The following PGBD4 variants were observed in gnomAD, a reference collection of about 807,000 sequenced individuals.
The protein encoded by PGBD4 is piggyBac transposable element-derived protein 4.
In PGBD4, 1 loss-of-function variant was observed where a neutral mutation model predicts 0.3. That is an observed-to-expected ratio of 3.72 (90% CI 1.32 to 17.64). PGBD4 has a LOEUF of 17.64. PGBD4 is among the 30% of genes most tolerant of loss of function. The pLI is 0.11. For missense variants in PGBD4, 624 were observed against 719.7 expected, an observed-to-expected ratio of 0.87 and a Z score of 1.52; for synonymous variants, 253 against 267.7, an observed-to-expected ratio of 0.95 and a Z score of 0.54.
chr15:34,104,141 C>T lies in PGBD4; in HGVS notation c.1610C>T (p.Pro537Leu), dbSNP rs1456580436. 2 of 1,614,052 alleles carry T rather than the reference C, an allele frequency of 1.2e-6. No homozygotes were observed. The highest frequency in any genetic ancestry group is 1.7e-6 in the Non-Finnish European group (2 of 1,180,036). Residue 537 changes from proline (P) to leucine (L), a missense_variant, in exon 1 of 1, where the codon CCA (proline) becomes CTA (leucine). Coordinates refer to ENST00000397766, the MANE Select transcript of PGBD4 (RefSeq NM_152595.5). Reference protein sequence around the residue: ...SIPATSGKQNPTGRCKICCSQ... With the variant: ...SIPATSGKQNLTGRCKICCSQ... ...CCAGCAACGTCCGGGAAACAGAATC[C>T]AACTGGTCGCTGCAAAATTTGCTGC...
Position 34,103,909 on chromosome 15 carries a change from C to G in PGBD4, c.1378C>G (p.Leu460Val), listed in dbSNP as rs1346478943. 1 of 1,614,120 alleles carries G rather than the reference C, an allele frequency of 6.2e-7. No individual in the cohort carries two copies. The highest frequency in any genetic ancestry group is 1.7e-5 in the Admixed American group (1 of 60,018). ...GTATAAGAAATTCTTTCACCATCTT[C>G]TACACATTACAGTGCTGAACTCCTA... ...VWYKKFFHHLLHITVLNSYIL... is the reference protein window; with the variant it reads ...VWYKKFFHHLVHITVLNSYIL... The change falls in exon 1 of 1, where the codon CTA (leucine) becomes GTA (valine). Residue 460 changes from leucine to valine, a missense_variant. By Grantham distance (32) the Leu-to-Val change is conservative. Coordinates refer to ENST00000397766, the MANE Select transcript of PGBD4 (RefSeq NM_152595.5). The surrounding 1 kb of genome is among the most constrained non-coding windows in gnomAD (Gnocchi z 4.6).
chr15:34,102,409 T>C lies in PGBD4; in HGVS notation c.-123T>C. Reference sequence around the variant, plus strand: ...AGTTTGCCACGAAATATCTCGCTTCTGTTATTTTCGCATGGTTCTGGTATA... The same window carrying C: ...AGTTTGCCACGAAATATCTCGCTTCCGTTATTTTCGCATGGTTCTGGTATA... On this transcript the variant is annotated 5_prime_UTR_variant, in exon 1 of 1. Transcript: ENST00000397766. This position sits in a 1 kb window ranked among gnomAD's most constrained non-coding sequence, Gnocchi z 4.7. 1 of 1,380,614 alleles carries C rather than the reference T, an allele frequency of 7.2e-7. No individual in the cohort carries two copies. The highest frequency in any genetic ancestry group is 2.7e-4 in the Middle Eastern group (1 of 3,756). The allele number at this position is 1,380,614 out of a possible 1,614,324, so 85.5% of individuals were successfully genotyped here. A position where few individuals can be genotyped will look rare whatever the true frequency, so the allele number is the denominator to read the frequency against.
Position 34,102,566 on chromosome 15 carries a change from G to C in PGBD4, c.35G>C (p.Arg12Pro), listed in dbSNP as rs2140874069. The C allele has an allele frequency of 2.5e-6, 4 of 1,579,758 alleles. No individual in the cohort carries two copies. In the South Asian group the frequency reaches 4.6e-5, roughly 18 times the overall value. ...SNPRKRSIPM[R>P]DSNTGLEQLL... ...CCTAGAAAACGTAGCATTCCTATGC[G>C]TGATAGTAATACCGGTCTCGAACAG... is the stretch of plus-strand genomic sequence containing the variant. The change falls in exon 1 of 1, where the codon CGT becomes CCT. Residue 12 changes from arginine to proline, a missense_variant. Arg to Pro is a moderately radical substitution (Grantham distance 103). Coordinates refer to ENST00000397766, the MANE Select transcript of PGBD4 (RefSeq NM_152595.5). This position sits in a 1 kb window ranked among gnomAD's most constrained non-coding sequence, Gnocchi z 4.7.
Position 34,104,920 on chromosome 15 carries a change from T to C in PGBD4, c.*631T>C, listed in dbSNP as rs993228970. ...TGGGCCTCACAAAGTCCTGGGATTA[T>C]AGGCATGAGCCACTGCGCCTAGCAC... On this transcript the variant is annotated 3_prime_UTR_variant, in exon 1 of 1. Coordinates refer to ENST00000397766, the MANE Select transcript of PGBD4 (RefSeq NM_152595.5). 1 of 152,358 alleles carries C rather than the reference T, an allele frequency of 6.6e-6. No individual in the cohort carries two copies. The highest frequency in any genetic ancestry group is 1.5e-5 in the Non-Finnish European group (1 of 68,056). The allele number at this position is 152,358 out of a possible 1,614,324, so 9.4% of individuals were successfully genotyped here.
rs1171987682 is a variant in PGBD4 at position 34,102,991 on chromosome 15, G to A, written c.460G>A (p.Glu154Lys). 3.7e-6 allele frequency: 6 copies of A among 1,613,998 alleles called. No individual in the cohort carries two copies. Among genetic ancestry groups the A allele is most frequent in the South Asian group, 2.2e-5 (2 of 91,084 alleles). Reference protein sequence around the residue: ...MDKWKDTDNDELKVFFAVMLL... With the variant: ...MDKWKDTDNDKLKVFFAVMLL... Reference sequence around the variant, plus strand: ...TAAATGGAAAGACACTGACAATGACGAGCTCAAAGTCTTTTTTGCAGTAAT... The same window carrying A: ...TAAATGGAAAGACACTGACAATGACAAGCTCAAAGTCTTTTTTGCAGTAAT... Residue 154 changes from glutamate to lysine, a missense_variant, in exon 1 of 1, where the codon GAG (glutamate) becomes AAG (lysine). Glu to Lys is a moderately conservative substitution (Grantham distance 56). Coordinates refer to ENST00000397766, the MANE Select transcript of PGBD4 (RefSeq NM_152595.5). The surrounding 1 kb of genome is among the most constrained non-coding windows in gnomAD (Gnocchi z 4.7).
rs1258116883 is a variant in PGBD4 at position 34,106,261 on chromosome 15, T to C, written c.*1972T>C. On this transcript the variant is annotated 3_prime_UTR_variant, in exon 1 of 1. Coordinates refer to ENST00000397766, the MANE Select transcript of PGBD4 (RefSeq NM_152595.5). ...GCCTGGCCAACATGGTGAAACCCTG[T>C]CTCTACTAAAAATACAAAAAAAAAT... 1 of 154,524 alleles carries C rather than the reference T, an allele frequency of 6.5e-6. No homozygotes were observed. Among genetic ancestry groups the C allele is most frequent in the Non-Finnish European group, 1.5e-5 (1 of 68,122 alleles). 9.6% of individuals were successfully genotyped at this position (154,524 alleles called of 1,614,324 possible). A position where few individuals can be genotyped will look rare whatever the true frequency, so the allele number is the denominator to read the frequency against.
At position 34,102,286 on chromosome 15, in the gene PGBD4, CA is replaced by C. The variant is rs1901192778; in HGVS notation, c.-245del. On this transcript the variant is annotated 5_prime_UTR_variant, in exon 1 of 1. It introduces an in-frame stop codon into an upstream open reading frame of the 5' UTR. Coordinates refer to ENST00000397766, the MANE Select transcript of PGBD4 (RefSeq NM_152595.5). The surrounding 1 kb of genome is among the most constrained non-coding windows in gnomAD (Gnocchi z 4.7). ...TTCTTCTGTCTGTGTGCGTTTAACTCATTTCTCCTTAGCCCCGAGATTACGC... is the reference window on the plus strand; with the variant it reads ...TTCTTCTGTCTGTGTGCGTTTAACTCTTTCTCCTTAGCCCCGAGATTACGC... 1.4e-5 allele frequency: 8 copies of C among 554,152 alleles called. No homozygotes were observed. In the South Asian group the frequency reaches 2.1e-4, roughly 15 times the overall value. 34.3% of individuals were successfully genotyped at this position (554,152 alleles called of 1,614,324 possible).
chr15:34,102,431 T>C lies in PGBD4; in HGVS notation c.-101T>C. 1 of 1,425,328 alleles carries C rather than the reference T, an allele frequency of 7.0e-7. No homozygotes were observed. The highest frequency in any genetic ancestry group is 9.2e-7 in the Non-Finnish European group (1 of 1,091,734). 88.3% of individuals were successfully genotyped at this position (1,425,328 alleles called of 1,614,324 possible). On this transcript the variant is annotated 5_prime_UTR_variant, in exon 1 of 1. Coordinates refer to ENST00000397766, the MANE Select transcript of PGBD4 (RefSeq NM_152595.5). The surrounding 1 kb of genome is among the most constrained non-coding windows in gnomAD (Gnocchi z 4.7). ...TTCTGTTATTTTCGCATGGTTCTGG[T>C]ATATTGACTTTTGAAACAAAAGACA... is the stretch of plus-strand genomic sequence containing the variant.
rs543850602 is a variant in PGBD4 at position 34,103,900 on chromosome 15, C to G, written c.1369C>G (p.His457Asp). 2.7e-5 allele frequency: 43 copies of G among 1,614,074 alleles called. No individual in the cohort carries two copies. In the South Asian group the frequency reaches 4.6e-4, roughly 17 times the overall value. The change falls in exon 1 of 1, where the codon CAC (histidine) becomes GAC (aspartate). Residue 457 changes from histidine (H) to aspartate (D), a missense_variant. Physicochemically the swap from His to Asp is moderately conservative, Grantham distance 81. Coordinates refer to ENST00000397766, the MANE Select transcript of PGBD4 (RefSeq NM_152595.5). This position sits in a 1 kb window ranked among gnomAD's most constrained non-coding sequence, Gnocchi z 4.6. ...RHKVWYKKFF[H>D]HLLHITVLNS... ...CAAGGTTTGGTATAAGAAATTCTTT[C>G]ACCATCTTCTACACATTACAGTGCT... is the stretch of plus-strand genomic sequence containing the variant.
chr15:34,103,662 A>G lies in PGBD4; in HGVS notation c.1131A>G (p.Arg377=). 6.2e-7 allele frequency: 1 copy of G among 1,614,256 alleles called. No individual in the cohort carries two copies. Among genetic ancestry groups the G allele is most frequent in the Non-Finnish European group, 8.5e-7 (1 of 1,180,048 alleles). ...KRIAKGTTVA[R]FCGELMALKW... ...TTGCAAAGGGGACGACTGTAGCCAG[A>G]TTCTGTGGTGAACTTATGGCACTGA... The change falls in exon 1 of 1, where the codon AGA becomes AGG. Residue 377 remains arginine, a synonymous_variant. Coordinates refer to ENST00000397766, the MANE Select transcript of PGBD4 (RefSeq NM_152595.5). The surrounding 1 kb of genome is among the most constrained non-coding windows in gnomAD (Gnocchi z 4.6).
chr15:34,106,601 G>GGCACATGGTACAATATTCAAAAA lies in PGBD4; in HGVS notation c.*2334_*2335insAGCACATGGTACAATATTCAAAA, dbSNP rs1361325028. 9 of 150,092 alleles carry GGCACATGGTACAATATTCAAAAA rather than the reference G, an allele frequency of 6.0e-5. No individual in the cohort carries two copies. Among genetic ancestry groups the GGCACATGGTACAATATTCAAAAA allele is most frequent in the Non-Finnish European group, 1.2e-4 (8 of 67,678 alleles). The allele number at this position is 150,092 out of a possible 1,614,324, so 9.3% of individuals were successfully genotyped here. A position where few individuals can be genotyped will look rare whatever the true frequency, so the allele number is the denominator to read the frequency against. ...TTGTCACATGGTACAATATTCAAAAGGCACATGGTACAATATTCAAAAGGC... is the reference window on the plus strand; with the variant it reads ...TTGTCACATGGTACAATATTCAAAAGGCACATGGTACAATATTCAAAAAGCACATGGTACAATATTCAAAAGGC... On this transcript the variant is annotated 3_prime_UTR_variant, in exon 1 of 1. Coordinates refer to ENST00000397766, the MANE Select transcript of PGBD4 (RefSeq NM_152595.5).
At position 34,103,255 on chromosome 15, in the gene PGBD4, A is replaced by T. The variant is rs935022293; in HGVS notation, c.724A>T (p.Thr242Ser). 1.2e-6 allele frequency: 2 copies of T among 1,613,964 alleles called. No homozygotes were observed. Among genetic ancestry groups the T allele is most frequent in the African/African-American group, 2.7e-5 (2 of 74,890 alleles). The change falls in exon 1 of 1, where the codon ACT becomes TCT. Residue 242 changes from threonine to serine, a missense_variant. Coordinates refer to ENST00000397766, the MANE Select transcript of PGBD4 (RefSeq NM_152595.5). The surrounding 1 kb of genome is among the most constrained non-coding windows in gnomAD (Gnocchi z 4.6). ...FLVNKFSTVY[T>S]PNRNIAVDES... ...TGTAAATAAATTTTCCACTGTATAT[A>T]CTCCAAACAGAAACATTGCAGTTGA...
chr15:34,104,078 C>T lies in PGBD4; in HGVS notation c.1547C>T (p.Pro516Leu). ...RGRPCSDDVT[P>L]LRLSGRHFPK... ...CGTCCTTGCTCCGATGATGTCACAC[C>T]TCTTCGTCTGTCTGGAAGACATTTC... is the stretch of plus-strand genomic sequence containing the variant. Residue 516 changes from proline (P) to leucine (L), a missense_variant, in exon 1 of 1, where the codon CCT becomes CTT. Coordinates refer to ENST00000397766, the MANE Select transcript of PGBD4 (RefSeq NM_152595.5). 1 of 1,614,212 alleles carries T rather than the reference C, an allele frequency of 6.2e-7. No individual in the cohort carries two copies. Among genetic ancestry groups the T allele is most frequent in the African/African-American group, 1.3e-5 (1 of 75,054 alleles).
Position 34,104,335 on chromosome 15 carries a change from T to A in PGBD4, c.*46T>A, listed in dbSNP as rs765463051. The A allele has an allele frequency of 1.3e-6, 2 of 1,557,818 alleles. No individual in the cohort carries two copies. The highest frequency in any genetic ancestry group is 3.8e-5 in the Admixed American group (2 of 53,036). On this transcript the variant is annotated 3_prime_UTR_variant, in exon 1 of 1. Transcript: ENST00000397766. The stretch of plus-strand genomic sequence containing the variant: ...CTGTTCCATTAGGATTAGAGACAAG[T>A]TCTGTTTAGAAATAACTCCAAGATT...
chr15:34,103,287 A>G lies in PGBD4; in HGVS notation c.756A>G (p.Ser252=), dbSNP rs765199469. ...ACAGAAACATTGCAGTTGATGAATC[A>G]CTGATGCTGTTCAAGGGGCCATTAG... ...TPNRNIAVDE[S]LMLFKGPLAM... is the part of the protein sequence containing the mutation. The change falls in exon 1 of 1, where the codon TCA becomes TCG. Residue 252 remains serine (S), a synonymous_variant. Transcript: ENST00000397766. This position sits in a 1 kb window ranked among gnomAD's most constrained non-coding sequence, Gnocchi z 4.6. The G allele has an allele frequency of 6.2e-7, 1 of 1,614,204 alleles. No homozygotes were observed. The highest frequency in any genetic ancestry group is 8.5e-7 in the Non-Finnish European group (1 of 1,180,042).
At position 34,104,124 on chromosome 15, in the gene PGBD4, G is replaced by A. The variant is rs756358100; in HGVS notation, c.1593G>A (p.Thr531=). 7.4e-6 allele frequency: 12 copies of A among 1,614,062 alleles called. No homozygotes were observed. The highest frequency in any genetic ancestry group is 1.0e-5 in the Non-Finnish European group (12 of 1,180,048). The change falls in exon 1 of 1, where the codon ACG becomes ACA. Residue 531 remains threonine (T), a synonymous_variant. Transcript: ENST00000397766. ...ATTTCCCCAAGAGCATACCAGCAAC[G>A]TCCGGGAAACAGAATCCAACTGGTC... ...GRHFPKSIPA[T]SGKQNPTGRC...
Position 34,102,959 on chromosome 15 carries a change from G to T in PGBD4, c.428G>T (p.Arg143Leu), listed in dbSNP as rs747486867. Reference sequence around the variant, plus strand: ...CCACCGGGTCCGAAAGGATTTTCGCGAATGGATAAATGGAAAGACACTGAC... The same window carrying T: ...CCACCGGGTCCGAAAGGATTTTCGCTAATGGATAAATGGAAAGACACTGAC... ...SKPPGPKGFS[R>L]MDKWKDTDND... Residue 143 changes from arginine to leucine, a missense_variant, in exon 1 of 1, where the codon CGA becomes CTA. Arg to Leu is a moderately radical substitution (Grantham distance 102, BLOSUM62 -2). Coordinates refer to ENST00000397766, the MANE Select transcript of PGBD4 (RefSeq NM_152595.5). The surrounding 1 kb of genome is among the most constrained non-coding windows in gnomAD (Gnocchi z 4.7). The T allele has an allele frequency of 1.2e-5, 19 of 1,613,964 alleles. No individual in the cohort carries two copies. The South Asian group carries it at 2.1e-4, about 18-fold the overall frequency.
In PGBD4 at chr15:34,103,627, A is replaced by C; in HGVS notation, c.1096A>C (p.Lys366Gln). 1 of 1,614,000 alleles carries C rather than the reference A, an allele frequency of 6.2e-7. No homozygotes were observed. Among genetic ancestry groups the C allele is most frequent in the Non-Finnish European group, 8.5e-7 (1 of 1,179,928 alleles). The change falls in exon 1 of 1, where the codon AAA becomes CAA. Residue 366 changes from lysine to glutamine, a missense_variant. Lys to Gln is a moderately conservative substitution (Grantham distance 53). Transcript: ENST00000397766. This position sits in a 1 kb window ranked among gnomAD's most constrained non-coding sequence, Gnocchi z 4.6. ...LNRKQIPNDL[K>Q]KRIAKGTTVA... is the part of the protein sequence containing the mutation. ...CAGAAAACAGATTCCAAATGATCTG[A>C]AAAAAAGGATTGCAAAGGGGACGAC...
chr15:34,104,380 A>C lies in PGBD4; in HGVS notation c.*91A>C. 4.4e-6 allele frequency: 6 copies of C among 1,359,992 alleles called. No individual in the cohort carries two copies. The highest frequency in any genetic ancestry group is 5.9e-6 in the Non-Finnish European group (6 of 1,009,210). 84.2% of individuals were successfully genotyped at this position (1,359,992 alleles called of 1,614,324 possible). On this transcript the variant is annotated 3_prime_UTR_variant, in exon 1 of 1. Coordinates refer to ENST00000397766, the MANE Select transcript of PGBD4 (RefSeq NM_152595.5). ...AAGATTGGGAGGCCGACCTGGGTGG[A>C]TCACCTGAGATCAGGAATTCAAGAC...
Sources: allele counts gnomAD v4.1 joint callset, GRCh38; gene constraint gnomAD v4.1.1; non-coding constraint Gnocchi (gnomAD v3.1); transcripts MANE v1.5; gene names NCBI Gene and HGNC (gene_info 2026-07-23, HGNC 2026-07-21).